Variants in CNTN5 observed in about 807,000 individuals in gnomAD.
CNTN5 encodes contactin-5.
Under a neutral mutation model 129.1 loss-of-function variants are expected in CNTN5, and 77 were observed. The ratio of observed to expected loss-of-function variants is 0.60; its 90% confidence interval spans 0.50 to 0.72. The LOEUF (loss-of-function observed/expected upper bound fraction) is 0.72, where lower values mean the gene tolerates loss of function less well. Ranked by LOEUF, CNTN5 falls within the 30% of genes least tolerant of loss-of-function variation. The pLI is 0.00. For synonymous variants in CNTN5, 509 were observed against 465.6 expected (o/e 1.09, Z -1.20); for missense variants, 1,478 against 1,328.8 (o/e 1.11, Z -1.75).
At chr11:100,235,530 G>T (rs1362127182) in intron 16 of CNTN5, among the ~76,000 whole-genome samples, 1 of 151,882 alleles carries the variant, frequency 6.6e-6, no homozygotes, top group Non-Finnish European at 1.5e-5. Context: ...TCCGTGTAGA[G>T]CAGGGCCAAA....
chr11:99,195,151 T>C (rs563236952), intron 1 of CNTN5, among the ~76,000 whole-genome samples: 1 of 152,342 alleles, frequency 6.6e-6, no homozygotes, highest in East Asian at 1.9e-4. Flanking sequence ...TTATATTTTA[T>C]TTATTTATTT....
At chr11:100,034,338 C>T (rs1246180071) in intron 9 of CNTN5, among the ~76,000 whole-genome samples, 4 of 152,196 alleles carry the variant, frequency 2.6e-5, no homozygotes, top group African/African-American at 7.2e-5. Flanking sequence ...AAGCCACAAA[C>T]CAAGAAACTA....
At chr11:99,150,752 G>A (rs1264231993) in intron 1 of CNTN5, among the ~76,000 whole-genome samples, 1 of 151,994 alleles carries the variant, frequency 6.6e-6, no homozygotes, top group Non-Finnish European at 1.5e-5. Context: ...TAAGGATAGT[G>A]CTTTACCTTA....
chr11:99,306,296 G>A (rs966521065), intron 1 of CNTN5, among the ~76,000 whole-genome samples: 4 of 152,102 alleles, frequency 2.6e-5, no homozygotes, highest in African/African-American at 7.2e-5. Flanking sequence ...TTATCAAATA[G>A]GAGCTTCATT....
At chr11:99,895,161 C>A (rs1949173051) in intron 6 of CNTN5, among the ~76,000 whole-genome samples, 2 of 152,210 alleles carry the variant, frequency 1.3e-5, no homozygotes, top group South Asian at 4.1e-4. Context: ...TGCTCCCCAT[C>A]AGTTCAGTGT....
intron 3 of CNTN5, among the ~76,000 whole-genome samples, chr11:99,652,250 G>T (rs1952183858): frequency 6.6e-6 from 1 of 151,980 alleles, no homozygotes; most frequent in Admixed American, 6.6e-5. Flanking sequence ...CTGTCCTCAG[G>T]CCTTAGTCAT....
intron 9 of CNTN5, among the ~76,000 whole-genome samples, chr11:100,042,364 A>G (rs1342827094): frequency 6.6e-6 from 1 of 152,122 alleles, no homozygotes. Flanking sequence ...TATCAAAGAT[A>G]TACAATGTTT....
At position 99,467,299 on chromosome 11, in the gene CNTN5, A is replaced by G. The variant is rs116684084; in HGVS notation, c.-70-88846A>G. ...AAATGTGATGAAAATGCTATCCTGCAGTTTTTACTATTTACTTTATAATTT... is the reference window on the plus strand; with the variant it reads ...AAATGTGATGAAAATGCTATCCTGCGGTTTTTACTATTTACTTTATAATTT... On this transcript the variant is annotated intron_variant, in intron 2 of 24. Coordinates refer to ENST00000524871, the MANE Select transcript of CNTN5 (RefSeq NM_014361.4). Among the ~76,000 whole-genome samples the G allele has an allele frequency of 5.2e-3, 787 of 152,228 alleles. 8 individuals carry two copies. Among genetic ancestry groups the G allele is most frequent in the African/African-American group, 0.018 (749 of 41,546 alleles).
intron 3 of CNTN5, among the ~76,000 whole-genome samples, chr11:99,580,926 G>C (rs966020801): frequency 2.2e-4 from 31 of 142,294 alleles, no homozygotes; most frequent in Non-Finnish European, 3.5e-4. Context: ...GTGATGTTAG[G>C]GTGTCAATTT....
At chr11:99,973,742 T>C (rs1308840949) in intron 8 of CNTN5, among the ~76,000 whole-genome samples, 1 of 152,224 alleles carries the variant, frequency 6.6e-6, no homozygotes, top group Non-Finnish European at 1.5e-5. Flanking sequence ...TGATCATTTT[T>C]ATTATCCAGT....
At position 99,647,395 on chromosome 11, in the gene CNTN5, A is replaced by G. The variant is rs1275651154; in HGVS notation, c.55+91126A>G. Among the ~76,000 whole-genome samples the G allele has an allele frequency of 3.3e-5, 5 of 151,752 alleles. No individual in the cohort carries two copies. In the East Asian group the frequency reaches 7.7e-4, roughly 23 times the overall value. Reference sequence around the variant, plus strand: ...CTTCTCTTTTCTGTTCCATTGGTCTATGTGTTTGTTTTTATGCCAGTAGTA... The same window carrying G: ...CTTCTCTTTTCTGTTCCATTGGTCTGTGTGTTTGTTTTTATGCCAGTAGTA... On this transcript the variant is annotated intron_variant, in intron 3 of 24. Coordinates refer to ENST00000524871, the MANE Select transcript of CNTN5 (RefSeq NM_014361.4).
intron 2 of CNTN5, among the ~76,000 whole-genome samples, chr11:99,536,261 T>A (rs925892489): frequency 6.0e-5 from 8 of 132,672 alleles, no homozygotes; most frequent in Non-Finnish European, 1.4e-4. Flanking sequence ...AATAAGAAAA[T>A]CTTTTTTTTA....
At chr11:99,296,314 A>G (rs1864390429) in intron 1 of CNTN5, among the ~76,000 whole-genome samples, 1 of 152,154 alleles carries the variant, frequency 6.6e-6, no homozygotes. Flanking sequence ...GTTCAAAGCT[A>G]ACAAATTTTG....
rs187836166 is a variant in CNTN5 at position 99,882,694 on chromosome 11, C to A, written c.578-33360C>A. Among the ~76,000 whole-genome samples the A allele has an allele frequency of 5.9e-5, 9 of 152,170 alleles. No individual in the cohort carries two copies. The East Asian group carries it at 1.7e-3, about 29-fold the overall frequency. ...GTTATCCATCCCCTTTAGCATTTAT[C>A]TTTTGTGTTAAAAACAATCCAATTA... is the stretch of plus-strand genomic sequence containing the variant. On this transcript the variant is annotated intron_variant, in intron 6 of 24. Transcript: ENST00000524871.
intron 9 of CNTN5, among the ~76,000 whole-genome samples, chr11:100,035,895 A>C (rs1941967236): frequency 6.6e-6 from 1 of 151,998 alleles, no homozygotes; most frequent in African/African-American, 2.4e-5. Context: ...AGGTTGCAAA[A>C]ATTTTCTCCC....
At chr11:100,078,438 G>A (rs1406621076) in intron 13 of CNTN5, among the ~76,000 whole-genome samples, 2 of 152,032 alleles carry the variant, frequency 1.3e-5, no homozygotes, top group African/African-American at 4.8e-5. Context: ...GTTTACATTT[G>A]TTTGTTATTT....
chr11:100,054,278 A>G (rs1468497331), intron 9 of CNTN5, among the ~76,000 whole-genome samples: 1 of 151,722 alleles, frequency 6.6e-6, no homozygotes, highest in African/African-American at 2.4e-5. Context: ...AAGATGTGCA[A>G]AGTTACCCAG....
intron 21 of CNTN5, among the ~76,000 whole-genome samples, chr11:100,321,291 AT>A (rs35937617): frequency 0.09 from 12,083 of 134,498 alleles, 541 homozygotes; most frequent in Middle Eastern, 0.14. Context: ...ATTCCTAAGT[AT>A]TTTTTTTTTT....
intron 3 of CNTN5, among the ~76,000 whole-genome samples, chr11:99,653,558 G>A (rs1044690468): frequency 2.0e-5 from 3 of 151,968 alleles, no homozygotes; most frequent in Non-Finnish European, 2.9e-5. Flanking sequence ...TCCTCAATCC[G>A]TGTCTATCAA....
Sources: gnomAD v4.1 joint callset for allele counts (sites outside exome capture counted in the v4.1 genomes callset) on GRCh38, gnomAD v4.1.1 for gene constraint, MANE v1.5 for transcripts, NCBI Gene and HGNC (gene_info 2026-07-23, HGNC 2026-07-21) for gene names.